Variants in IL1RAPL1 observed in about 807,000 individuals in gnomAD.
The protein encoded by IL1RAPL1 is interleukin-1 receptor accessory protein-like 1.
Under a neutral mutation model 48.4 loss-of-function variants are expected in IL1RAPL1, and 3 were observed. The ratio of observed to expected loss-of-function variants is 0.06; its 90% CI spans 0.03 to 0.16. The LOEUF is 0.16. IL1RAPL1 is among the 10% of genes least tolerant of loss of function. IL1RAPL1 has a pLI of 1.00. For missense variants in IL1RAPL1, 349 were observed against 530.6 expected (o/e 0.66, Z 3.36); for synonymous variants, 185 against 187.7 (o/e 0.99, Z 0.12).
chrX:29,614,667 C>G (rs1212626379), intron 5 of IL1RAPL1, among the ~76,000 whole-genome samples: 1 of 111,754 alleles, frequency 8.9e-6, no homozygotes, highest in Non-Finnish European at 1.9e-5. Context: ...AGGAAAGAAA[C>G]AGGAAAATGC....
intron 6 of IL1RAPL1, among the ~76,000 whole-genome samples, chrX:29,746,076 T>C (rs911209396): frequency 1.6e-4 from 18 of 111,942 alleles, no homozygotes; most frequent in African/African-American, 5.2e-4. Flanking sequence ...TATTTCTTAA[T>C]TCACTTTTTC....
chrX:29,936,518 A>AACAC (rs55890071), intron 8 of IL1RAPL1, among the ~76,000 whole-genome samples: 2,597 of 93,426 alleles, frequency 0.028, 41 homozygotes, highest in African/African-American at 0.049. Context: ...TATATATAGG[A>AACAC]ACACACACAC....
chrX:29,259,103 C>T (rs1244164224), intron 2 of IL1RAPL1, among the ~76,000 whole-genome samples: 4 of 111,543 alleles, frequency 3.6e-5, no homozygotes, highest in African/African-American at 1.3e-4. Flanking sequence ...TTCGATGACC[C>T]TAATTTGGCA....
chrX:28,937,611 A>G (rs766735014), intron 2 of IL1RAPL1, among the ~76,000 whole-genome samples: 1 of 111,427 alleles, frequency 9.0e-6, no homozygotes, highest in Admixed American at 9.6e-5. Context: ...GGTTACTATC[A>G]TCACTCAAGT....
chrX:29,802,797 A>ATG (rs1569172772), intron 6 of IL1RAPL1, among the ~76,000 whole-genome samples: 19 of 58,273 alleles, frequency 3.3e-4, no homozygotes, highest in African/African-American at 1.8e-3. Flanking sequence ...GTGTGTATAT[A>ATG]TATATATATA....
intron 1 of IL1RAPL1, among the ~76,000 whole-genome samples, chrX:28,598,036 G>A (rs1233890565): frequency 1.8e-5 from 2 of 111,614 alleles, no homozygotes; most frequent in Non-Finnish European, 3.8e-5. Flanking sequence ...GAAGTTGAAG[G>A]AAGCAACTGG....
At chrX:29,512,505 G>T (rs887489863) in intron 5 of IL1RAPL1, among the ~76,000 whole-genome samples, 1 of 97,146 alleles carries the variant, frequency 1.0e-5, no homozygotes, top group Admixed American at 1.1e-4. Context: ...TCTATAATTT[G>T]TATGTCAAAT....
At chrX:28,906,436 G>C (rs955818021) in intron 2 of IL1RAPL1, among the ~76,000 whole-genome samples, 1 of 112,022 alleles carries the variant, frequency 8.9e-6, no homozygotes. Context: ...TCAAGTCAGA[G>C]ACGTAATGAG....
At chrX:28,925,402 C>T (rs181972615) in intron 2 of IL1RAPL1, among the ~76,000 whole-genome samples, 1 of 111,740 alleles carries the variant, frequency 8.9e-6, no homozygotes, top group African/African-American at 3.2e-5. Context: ...AATAGTAATT[C>T]TTGAAGTCAA....
At chrX:29,623,774 C>A (rs763026698) in intron 5 of IL1RAPL1, among the ~76,000 whole-genome samples, 2 of 112,286 alleles carry the variant, frequency 1.8e-5, no homozygotes, top group South Asian at 7.4e-4. Context: ...AGCCTAAATT[C>A]ATTAGAGAGG....
At chrX:29,476,420 T>C (rs1001599296) in intron 5 of IL1RAPL1, among the ~76,000 whole-genome samples, 1 of 112,143 alleles carries the variant, frequency 8.9e-6, no homozygotes, top group Non-Finnish European at 1.9e-5. Flanking sequence ...TGTAAATGTA[T>C]AGTTCTATTA....
intron 2 of IL1RAPL1, among the ~76,000 whole-genome samples, chrX:28,969,645 A>G (rs772311423): frequency 4.5e-5 from 5 of 109,928 alleles, no homozygotes; most frequent in Admixed American, 3.9e-4. Flanking sequence ...TTAAAATATT[A>G]TAGGTTTTAG....
intron 3 of IL1RAPL1, among the ~76,000 whole-genome samples, chrX:29,381,874 A>G (rs1358053186): frequency 1.0e-5 from 1 of 100,077 alleles, no homozygotes; most frequent in Non-Finnish European, 2.0e-5. Context: ...ACATATACTT[A>G]TGTGCTTTGT....
At chrX:29,869,995 A>G (rs777083975) in intron 6 of IL1RAPL1, among the ~76,000 whole-genome samples, 2 of 111,520 alleles carry the variant, frequency 1.8e-5, no homozygotes, top group Non-Finnish European at 3.8e-5. Flanking sequence ...GTGACTGACA[A>G]GATGACAGCC....
intron 2 of IL1RAPL1, among the ~76,000 whole-genome samples, chrX:28,937,085 G>T: frequency 9.0e-6 from 1 of 111,259 alleles, no homozygotes; most frequent in Non-Finnish European, 1.9e-5. Context: ...ATTGAAGATT[G>T]CCAGTTTACC....
At chrX:28,833,965 T>C (rs1921138692) in intron 2 of IL1RAPL1, among the ~76,000 whole-genome samples, 1 of 112,386 alleles carries the variant, frequency 8.9e-6, no homozygotes, top group African/African-American at 3.2e-5. Flanking sequence ...TTCTGAAAAG[T>C]ACAGCATGTA....
intron 2 of IL1RAPL1, among the ~76,000 whole-genome samples, chrX:28,989,102 T>C (rs1925542572): frequency 8.9e-6 from 1 of 112,290 alleles, no homozygotes; most frequent in Admixed American, 9.5e-5. Flanking sequence ...ATAATTATTA[T>C]AAAGGTATGC....
In IL1RAPL1 at chrX:29,783,716, T is replaced by C. The variant is rs977572088; in HGVS notation, c.778+115212T>C. On this transcript the variant is annotated intron_variant, in intron 6 of 10. Transcript: ENST00000378993. ...TATTTGAACCAAAAGTTATTTGGCA[T>C]TAATTGTGATCACTGCTATTATTGT... 3.6e-5 allele frequency among the ~76,000 whole-genome samples: 4 copies of C among 112,267 alleles called. 1 individual carries two copies. The highest frequency in any genetic ancestry group is 1.3e-4 in the African/African-American group (4 of 30,900).
chrX:29,123,385 C>T (rs1475737152), intron 2 of IL1RAPL1, among the ~76,000 whole-genome samples: 1 of 111,856 alleles, frequency 8.9e-6, no homozygotes, highest in African/African-American at 3.2e-5. Context: ...TTTCAACCAG[C>T]TTCTGAAACT....
Sources: gnomAD v4.1 joint callset for allele counts (sites outside exome capture counted in the v4.1 genomes callset) on GRCh38, gnomAD v4.1.1 for gene constraint, MANE v1.5 for transcripts, NCBI Gene and HGNC (gene_info 2026-07-23, HGNC 2026-07-21) for gene names.